Variants in CNTN4 observed in about 807,000 individuals in gnomAD.
CNTN4 encodes the protein contactin 4.
Under a neutral mutation model 122.5 loss-of-function variants are expected in CNTN4, and 77 were observed. That is an observed-to-expected ratio of 0.63 (90% CI 0.52 to 0.76). The LOEUF (loss-of-function observed/expected upper bound fraction) is 0.76. CNTN4 is among the 30% of genes least tolerant of loss of function. The pLI is 0.00. For synonymous variants in CNTN4, 512 were observed against 447.0 expected (o/e 1.15, Z -1.83); for missense variants, 1,256 against 1,259.1 (o/e 1.00, Z 0.04).
At chr3:2,878,762 A>G (rs897191638) in intron 8 of CNTN4, among the ~76,000 whole-genome samples, 1 of 152,198 alleles carries the variant, frequency 6.6e-6, no homozygotes, top group African/African-American at 2.4e-5. Context: ...TATGAAAAAG[A>G]CAGACGCATT....
At chr3:2,973,810 T>C (rs1465230821) in intron 13 of CNTN4, among the ~76,000 whole-genome samples, 3 of 151,034 alleles carry the variant, frequency 2.0e-5, no homozygotes, top group South Asian at 2.1e-4. Flanking sequence ...TGTGAATAGA[T>C]TGGGCAGCTT....
At chr3:2,520,553 C>G (rs2149140243) in intron 3 of CNTN4, among the ~76,000 whole-genome samples, 1 of 152,032 alleles carries the variant, frequency 6.6e-6, no homozygotes, top group East Asian at 1.9e-4. Flanking sequence ...AGATTACAGG[C>G]ATGAGTCACC....
chr3:2,808,020 T>C (rs2092511403), intron 6 of CNTN4, among the ~76,000 whole-genome samples: 1 of 152,140 alleles, frequency 6.6e-6, no homozygotes, highest in African/African-American at 2.4e-5. Flanking sequence ...TCGTATCCAC[T>C]ACCACTAAGT....
At chr3:2,363,135 A>G (rs889314860) in intron 3 of CNTN4, among the ~76,000 whole-genome samples, 7 of 152,196 alleles carry the variant, frequency 4.6e-5, no homozygotes, top group African/African-American at 1.4e-4. Context: ...ATGTCAAAGT[A>G]TCTTCATACT....
chr3:3,002,232 C>T (rs1388835176), intron 14 of CNTN4, among the ~76,000 whole-genome samples: 1 of 152,106 alleles, frequency 6.6e-6, no homozygotes, highest in Non-Finnish European at 1.5e-5. Flanking sequence ...AAAATTTGTG[C>T]TAAGCTTCAG....
At chr3:2,810,209 G>A (rs1559528041) in intron 6 of CNTN4, among the ~76,000 whole-genome samples, 1 of 152,160 alleles carries the variant, frequency 6.6e-6, no homozygotes. Flanking sequence ...AATAGTAATA[G>A]AACCCACCTC....
rs1021656393 is a variant in CNTN4, at chr3:2,787,322, G to C, written c.359-32164G>C. On this transcript the variant is annotated intron_variant, in intron 6 of 24. Transcript: ENST00000418658. Reference sequence around the variant, plus strand: ...GTCCAGGAGGTGGAGGTTGCAGTGAGCCGAGATCATGCCACTGCTCTCCAG... The same window carrying C: ...GTCCAGGAGGTGGAGGTTGCAGTGACCCGAGATCATGCCACTGCTCTCCAG... Among the ~76,000 whole-genome samples the C allele has an allele frequency of 3.9e-5, 6 of 152,134 alleles. No individual in the cohort carries two copies. The East Asian group carries it at 9.6e-4, about 24-fold the overall frequency.
At chr3:2,568,925 C>G (rs932462750) in intron 3 of CNTN4, among the ~76,000 whole-genome samples, 1 of 152,186 alleles carries the variant, frequency 6.6e-6, no homozygotes, top group Admixed American at 6.5e-5. Flanking sequence ...CTTCCAGAAA[C>G]TGCTTAACAT....
intron 2 of CNTN4, among the ~76,000 whole-genome samples, chr3:2,126,855 G>A (rs375679169): frequency 2.0e-5 from 3 of 152,126 alleles, no homozygotes; most frequent in African/African-American, 7.2e-5. Flanking sequence ...AAAGAGACGA[G>A]AAATACTGTC....
Position 2,269,081 on chromosome 3 carries a change from T to C in CNTN4, c.-144-70097T>C, listed in dbSNP as rs367745082. Among the ~76,000 whole-genome samples the C allele has an allele frequency of 1.3e-3, 205 of 152,228 alleles. 1 individual carries two copies. Among genetic ancestry groups the C allele is most frequent in the African/African-American group, 4.8e-3 (198 of 41,564 alleles). On this transcript the variant is annotated intron_variant, in intron 2 of 24. Coordinates refer to ENST00000418658, the MANE Select transcript of CNTN4 (RefSeq NM_175607.3). ...CTGCCTGTAAAAGAGATGGGCCTCC[T>C]TGAGAAATAAATCCACACTGAATTT... is the stretch of plus-strand genomic sequence containing the variant.
At chr3:2,353,626 C>A (rs1325335082) in intron 3 of CNTN4, among the ~76,000 whole-genome samples, 2 of 152,014 alleles carry the variant, frequency 1.3e-5, no homozygotes, top group Admixed American at 6.6e-5. Context: ...CAACTCCGGA[C>A]ACACCATCTT....
At chr3:2,301,176 A>G (rs78736293) in intron 2 of CNTN4, among the ~76,000 whole-genome samples, 2,361 of 152,312 alleles carry the variant, frequency 0.016, 69 homozygotes, top group African/African-American at 0.053. Flanking sequence ...CACATCACAG[A>G]TGCACTGTTA....
intron 4 of CNTN4, among the ~76,000 whole-genome samples, chr3:2,575,197 T>G (rs1223765231): frequency 6.6e-6 from 1 of 152,134 alleles, no homozygotes; most frequent in East Asian, 1.9e-4. Flanking sequence ...TGTACATCTA[T>G]TGTATAAAAA....
At chr3:3,054,095 A>G in intron 24 of CNTN4, 120 bp downstream of exon 24, 1 of 1,036,070 alleles carries the variant, frequency 9.7e-7, no homozygotes, top group Non-Finnish European at 1.5e-6. Context: ...GAAATGGAGA[A>G]CACTACCCCC....
chr3:2,384,231 A>G (rs1053549817), intron 3 of CNTN4, among the ~76,000 whole-genome samples: 1 of 152,156 alleles, frequency 6.6e-6, no homozygotes, highest in African/African-American at 2.4e-5. Flanking sequence ...TACAGGAACA[A>G]GCCTAAACGT....
intron 24 of CNTN4, among the ~76,000 whole-genome samples, chr3:3,054,224 A>G (rs764093634): frequency 1.6e-4 from 25 of 152,220 alleles, no homozygotes; most frequent in Non-Finnish European, 3.1e-4. Flanking sequence ...ATTAGTCACT[A>G]AGGTTTTTCC....
At chr3:2,820,207 A>G (rs2092831546) in intron 7 of CNTN4, among the ~76,000 whole-genome samples, 1 of 152,210 alleles carries the variant, frequency 6.6e-6, no homozygotes, top group Non-Finnish European at 1.5e-5. Context: ...CTAACTGGCT[A>G]TAAAGTGGGA....
At chr3:2,895,697 T>G (rs576316039) in intron 10 of CNTN4, among the ~76,000 whole-genome samples, 11 of 152,330 alleles carry the variant, frequency 7.2e-5, no homozygotes, top group African/African-American at 2.6e-4. Flanking sequence ...TGAATCCTGT[T>G]GGTTTAAGAG....
intron 3 of CNTN4, among the ~76,000 whole-genome samples, chr3:2,556,148 G>A (rs112139705): frequency 0.014 from 2,170 of 152,186 alleles, 67 homozygotes; most frequent in African/African-American, 0.05. Context: ...CTTGAAAGGA[G>A]GCTTTATTAT....
Sources: allele counts gnomAD v4.1 joint callset (sites outside exome capture counted in the v4.1 genomes callset), GRCh38; gene constraint gnomAD v4.1.1; transcripts MANE v1.5; gene names NCBI Gene and HGNC (gene_info 2026-07-23, HGNC 2026-07-21).